SPAG16: variants seen among roughly 807,000 people sequenced by gnomAD.
The protein encoded by SPAG16 is sperm associated antigen 16.
A neutral mutation model predicts 80.4 loss-of-function variants in SPAG16; 86 were observed. That is an observed-to-expected ratio of 1.07 (90% confidence interval 0.90 to 1.28). The LOEUF is 1.28. SPAG16 is among the 50% of genes most tolerant of loss of function. The pLI, the probability that SPAG16 is intolerant of heterozygous loss-of-function variation, is 0.00. For missense variants in SPAG16, 870 were observed against 765.3 expected (o/e 1.14, Z -1.61); for synonymous variants, 294 against 265.9 (o/e 1.11, Z -1.03).
intron 13 of SPAG16, among the ~76,000 whole-genome samples, chr2:214,100,444 T>C (rs2052929520): frequency 6.6e-6 from 1 of 152,130 alleles, no homozygotes; most frequent in Non-Finnish European, 1.5e-5. Context: ...GTAAATTGCA[T>C]GTCACAGGGA....
intron 15 of SPAG16, among the ~76,000 whole-genome samples, chr2:214,174,239 A>G (rs1193435870): frequency 2.6e-5 from 4 of 151,864 alleles, no homozygotes; most frequent in South Asian, 4.1e-4. Context: ...GGGCAATTAG[A>G]CAGGAGAAGG....
At chr2:214,114,153 G>A (rs2053816522) in intron 14 of SPAG16, among the ~76,000 whole-genome samples, 1 of 152,180 alleles carries the variant, frequency 6.6e-6, no homozygotes. Flanking sequence ...ATCACCAGCA[G>A]AGGCTGCAGA....
intron 7 of SPAG16, among the ~76,000 whole-genome samples, chr2:213,354,996 G>A (rs1168683469): frequency 6.6e-6 from 1 of 152,106 alleles, no homozygotes; most frequent in East Asian, 1.9e-4. Flanking sequence ...TATGGTTTTA[G>A]GCCTTACATT....
chr2:213,672,732 T>C (rs557047825), intron 10 of SPAG16, among the ~76,000 whole-genome samples: 2 of 152,290 alleles, frequency 1.3e-5, no homozygotes, highest in African/African-American at 4.8e-5. Flanking sequence ...ATCTTAATGC[T>C]TTGAAAATTA....
intron 11 of SPAG16, among the ~76,000 whole-genome samples, chr2:213,897,555 T>G (rs1485870923): frequency 6.6e-6 from 1 of 152,188 alleles, no homozygotes; most frequent in Non-Finnish European, 1.5e-5. Context: ...ATGCATTTCC[T>G]TATGGTTTCA....
intron 10 of SPAG16, among the ~76,000 whole-genome samples, chr2:213,577,275 G>C (rs1157671252): frequency 1.3e-5 from 2 of 152,044 alleles, no homozygotes; most frequent in African/African-American, 4.8e-5. Flanking sequence ...GGTCTAAATA[G>C]CTCTGCCTGA....
chr2:214,148,710 G>C (rs991745450), intron 14 of SPAG16, among the ~76,000 whole-genome samples: 1 of 151,810 alleles, frequency 6.6e-6, no homozygotes, highest in East Asian at 1.9e-4. Flanking sequence ...ATATGCATGT[G>C]GTATAATTTT....
At chr2:213,631,121 A>C (rs1171240668) in intron 10 of SPAG16, among the ~76,000 whole-genome samples, 2 of 152,172 alleles carry the variant, frequency 1.3e-5, no homozygotes, top group Non-Finnish European at 2.9e-5. Context: ...CAAATTTGGC[A>C]TGACTTGTTT....
chr2:214,086,510 A>G (rs1333840253), intron 13 of SPAG16, among the ~76,000 whole-genome samples: 1 of 152,060 alleles, frequency 6.6e-6, no homozygotes, highest in Non-Finnish European at 1.5e-5. Context: ...TGTTCTGGTG[A>G]TAGTGAGTGA....
At chr2:214,179,643 G>C (rs569867882) in intron 15 of SPAG16, among the ~76,000 whole-genome samples, 2 of 151,286 alleles carry the variant, frequency 1.3e-5, no homozygotes, top group African/African-American at 4.8e-5. Flanking sequence ...AAATGAATCC[G>C]ATAGACAGTG....
At chr2:214,185,953 C>G (rs976620894) in intron 15 of SPAG16, among the ~76,000 whole-genome samples, 2 of 152,098 alleles carry the variant, frequency 1.3e-5, no homozygotes, top group African/African-American at 4.8e-5. Context: ...CTATCTCCCC[C>G]ACTATAATGT....
chr2:213,950,604 AGTTT>A (rs1228099589), intron 12 of SPAG16, among the ~76,000 whole-genome samples: 2 of 151,046 alleles, frequency 1.3e-5, no homozygotes, highest in African/African-American at 4.9e-5. Flanking sequence ...GAACAGCCAT[AGTTT>A]GTTTGCTTGC....
chr2:214,174,516 C>T (rs913204558), intron 15 of SPAG16, among the ~76,000 whole-genome samples: 4 of 151,946 alleles, frequency 2.6e-5, no homozygotes, highest in African/African-American at 9.7e-5. Context: ...AGGAATCCAA[C>T]TTACAAGGGA....
In SPAG16 at chr2:213,458,520, T is replaced by C. The variant is rs191799793; in HGVS notation, c.943-31443T>C. On this transcript the variant is annotated intron_variant, in intron 9 of 15. Coordinates refer to ENST00000331683, the MANE Select transcript of SPAG16 (RefSeq NM_024532.5). ...CCAGGAGGCGGACGTGGCAGTGAGC[T>C]GAGATCGCGCCGCTGCACTCCAGCG... Among the ~76,000 whole-genome samples the C allele has an allele frequency of 3.8e-3, 575 of 152,212 alleles. 2 individuals are homozygous for C. The highest frequency in any genetic ancestry group is 0.017 in the South Asian group (81 of 4,822).
chr2:213,580,632 T>G (rs1217944785), intron 10 of SPAG16, among the ~76,000 whole-genome samples: 1 of 152,128 alleles, frequency 6.6e-6, no homozygotes, highest in Non-Finnish European at 1.5e-5. Flanking sequence ...GAGTGCATGT[T>G]GTTTTTCTTT....
chr2:213,305,809 T>C (rs745869805), intron 3 of SPAG16, among the ~76,000 whole-genome samples: 2 of 151,902 alleles, frequency 1.3e-5, no homozygotes, highest in Non-Finnish European at 2.9e-5. Flanking sequence ...ATATTGGCCT[T>C]TTAACATGTC....
At chr2:213,466,270 T>A (rs533916658) in intron 9 of SPAG16, among the ~76,000 whole-genome samples, 1 of 152,302 alleles carries the variant, frequency 6.6e-6, no homozygotes, top group East Asian at 1.9e-4. Context: ...ATTAGTTCTG[T>A]CCCTCTAGAG....
intron 6 of SPAG16, among the ~76,000 whole-genome samples, chr2:213,340,675 C>G (rs760498187): frequency 1.8e-4 from 27 of 152,064 alleles, no homozygotes; most frequent in Non-Finnish European, 1.5e-4. Flanking sequence ...AAACATGTTA[C>G]GTTCATCAAA....
At chr2:214,347,398 T>G (rs1263591803) in intron 15 of SPAG16, among the ~76,000 whole-genome samples, 2 of 152,064 alleles carry the variant, frequency 1.3e-5, no homozygotes, top group African/African-American at 4.8e-5. Context: ...CAAGGTAGTC[T>G]TATATCCCAC....
Sources: allele counts gnomAD v4.1 joint callset (sites outside exome capture counted in the v4.1 genomes callset), GRCh38; gene constraint gnomAD v4.1.1; transcripts MANE v1.5; gene names NCBI Gene and HGNC (gene_info 2026-07-23, HGNC 2026-07-21).